The following CFAP61 variants were observed in gnomAD, a reference collection of about 807,000 sequenced individuals.
The protein encoded by CFAP61 is cilia- and flagella-associated protein 61.
CFAP61 carries 107 observed loss-of-function variants against 135.6 expected under a neutral mutation model. The ratio of observed to expected loss-of-function variants is 0.79; its 90% CI spans 0.67 to 0.93. CFAP61 has a LOEUF of 0.93. Among genes scored for constraint, CFAP61 ranks in the 40% least tolerant of loss-of-function variants. The pLI, the probability that CFAP61 is intolerant of heterozygous loss-of-function variation, is 0.00. For missense variants in CFAP61, 1,507 were observed against 1,556.2 expected, an observed-to-expected ratio of 0.97 and a Z score of 0.53; for synonymous variants, 575 against 578.5, an observed-to-expected ratio of 0.99 and a Z score of 0.09.
chr20:20,244,082 T>C, intron 18 of CFAP61, among the ~76,000 whole-genome samples: 1 of 152,220 alleles, frequency 6.6e-6, no homozygotes, highest in Non-Finnish European at 1.5e-5. Flanking sequence ...CCCTGTGGCT[T>C]TGCAGGGTAC....
At chr20:20,167,490 T>C (rs1329021514) in intron 12 of CFAP61, among the ~76,000 whole-genome samples, 1 of 152,204 alleles carries the variant, frequency 6.6e-6, no homozygotes, top group Non-Finnish European at 1.5e-5. Context: ...ATAAAAGTAA[T>C]GCTGGCTTTA....
At chr20:20,302,506 A>C (rs2056171812) in intron 25 of CFAP61, among the ~76,000 whole-genome samples, 1 of 152,174 alleles carries the variant, frequency 6.6e-6, no homozygotes, top group Non-Finnish European at 1.5e-5. Context: ...TACTAAAAAT[A>C]CGAAAATTAA....
chr20:20,322,708 G>C (rs1161474775), intron 25 of CFAP61: 1 of 985,242 alleles, frequency 1.0e-6, no homozygotes, highest in African/African-American at 1.7e-5. Context: ...TCAGAGTTCT[G>C]GCATCTTCCT....
At chr20:20,128,961 A>G (rs1299698944) in intron 8 of CFAP61, among the ~76,000 whole-genome samples, 1 of 151,626 alleles carries the variant, frequency 6.6e-6, no homozygotes, top group Non-Finnish European at 1.5e-5. Flanking sequence ...ACATATTTTT[A>G]TACTATCTAT....
At chr20:20,357,189 T>C (rs1015179919) in intron 26 of CFAP61, among the ~76,000 whole-genome samples, 57 of 52,042 alleles carry the variant, frequency 1.1e-3, no homozygotes, top group South Asian at 5.3e-3. Context: ...GAGGTGGTCA[T>C]ACTGTGAGTG....
intron 8 of CFAP61, among the ~76,000 whole-genome samples, chr20:20,105,390 C>T (rs946685986): frequency 2.0e-5 from 3 of 152,102 alleles, no homozygotes; most frequent in African/African-American, 7.2e-5. Context: ...CAATATTACT[C>T]ACTTGGTAGC....
intron 17 of CFAP61, among the ~76,000 whole-genome samples, chr20:20,227,087 T>C (rs962028891): frequency 2.0e-5 from 3 of 152,194 alleles, no homozygotes; most frequent in Non-Finnish European, 4.4e-5. Flanking sequence ...AGATCTGAGA[T>C]GTTACCTTTA....
intron 18 of CFAP61, among the ~76,000 whole-genome samples, chr20:20,242,093 G>A (rs933029919): frequency 1.6e-4 from 25 of 152,178 alleles, no homozygotes; most frequent in African/African-American, 5.3e-4. Context: ...TCTGGCCTGC[G>A]CCATCACCAA....
chr20:20,159,269 G>C (rs961306029), intron 9 of CFAP61, 101 bp from the exon 10 acceptor site: 2 of 1,062,620 alleles, frequency 1.9e-6, no homozygotes, highest in African/African-American at 3.2e-5. Context: ...CCAGTAAGCT[G>C]TAGAGCCAGG....
intron 18 of CFAP61, among the ~76,000 whole-genome samples, chr20:20,234,799 G>A (rs112150632): frequency 2.6e-5 from 4 of 152,224 alleles, no homozygotes; most frequent in East Asian, 1.9e-4. Flanking sequence ...CAGAAGCGAC[G>A]GTGGAGTGGA....
chr20:20,106,639 G>A (rs775002975), intron 8 of CFAP61, among the ~76,000 whole-genome samples: 1 of 152,186 alleles, frequency 6.6e-6, no homozygotes, highest in Non-Finnish European at 1.5e-5. Flanking sequence ...CTCAGTAGGG[G>A]ATGTCTCTTT....
intron 24 of CFAP61, among the ~76,000 whole-genome samples, chr20:20,292,598 G>T (rs2055070021): frequency 6.6e-6 from 1 of 152,186 alleles, no homozygotes; most frequent in African/African-American, 2.4e-5. Context: ...TTAGATCAAT[G>T]GTCCAGATCA....
chr20:20,277,373 C>G lies in CFAP61; in HGVS notation c.2711C>G (p.Ala904Gly). ...GVTMYRDAIL[A>G]QWNDGLHPDP... Reference sequence around the variant, plus strand: ...ACTATGTACCGGGATGCGATCCTGGCCCAGTGGAATGACGGCCTGCACCCA... The same window carrying G: ...ACTATGTACCGGGATGCGATCCTGGGCCAGTGGAATGACGGCCTGCACCCA... Residue 904 changes from alanine (A) to glycine (G), a missense_variant, in exon 22 of 27, where the codon GCC (alanine) becomes GGC (glycine). Physicochemically the swap from Ala to Gly is moderately conservative, Grantham distance 60. Transcript: ENST00000245957. 1 of 1,614,144 alleles carries G rather than the reference C, an allele frequency of 6.2e-7. No individual in the cohort carries two copies. Among genetic ancestry groups the G allele is most frequent in the Non-Finnish European group, 8.5e-7 (1 of 1,180,028 alleles).
At chr20:20,190,333 A>G (rs2055831918) in intron 14 of CFAP61, among the ~76,000 whole-genome samples, 2 of 152,204 alleles carry the variant, frequency 1.3e-5, no homozygotes, top group Admixed American at 6.5e-5. Flanking sequence ...AGAGTATTAT[A>G]CTGAGTGGGG....
At chr20:20,272,159 G>A (rs1397682569) in intron 21 of CFAP61, among the ~76,000 whole-genome samples, 1 of 152,144 alleles carries the variant, frequency 6.6e-6, no homozygotes, top group East Asian at 1.9e-4. Flanking sequence ...GCATGCTGTA[G>A]GCCAGTGTGG....
chr20:20,194,505 T>C (rs2056149105), intron 15 of CFAP61, among the ~76,000 whole-genome samples: 1 of 152,258 alleles, frequency 6.6e-6, no homozygotes, highest in Admixed American at 6.5e-5. Flanking sequence ...TAATAATTTG[T>C]CTTCTCTGCA....
intron 4 of CFAP61, 76 bp from the exon 5 acceptor site, chr20:20,075,113 C>A: frequency 7.4e-7 from 1 of 1,347,054 alleles, no homozygotes; most frequent in Non-Finnish European, 1.1e-6. Context: ...TTAGTGACAG[C>A]ATTTGTCTTC....
At chr20:20,252,782 A>T (rs1226079009) in intron 20 of CFAP61, among the ~76,000 whole-genome samples, 1 of 152,236 alleles carries the variant, frequency 6.6e-6, no homozygotes, top group Non-Finnish European at 1.5e-5. Context: ...CAGGGTCTCC[A>T]CCTGGGTGTT....
chr20:20,109,613 C>T (rs903354126), intron 8 of CFAP61, among the ~76,000 whole-genome samples: 6 of 152,156 alleles, frequency 3.9e-5, no homozygotes, highest in South Asian at 2.1e-4. Flanking sequence ...TGCTCACAAA[C>T]GACATGGACC....
Sources: allele counts gnomAD v4.1 joint callset (sites outside exome capture counted in the v4.1 genomes callset), GRCh38; gene constraint gnomAD v4.1.1; transcripts MANE v1.5; gene names NCBI Gene and HGNC (gene_info 2026-07-23, HGNC 2026-07-21).